The following ATP10B variants were observed in gnomAD, a reference collection of about 807,000 sequenced individuals.
ATP10B encodes phospholipid-transporting ATPase VB.
A neutral mutation model predicts 141.2 loss-of-function variants in ATP10B; 122 were observed. That is an observed-to-expected ratio of 0.86 (90% CI 0.75 to 1.00). The LOEUF (loss-of-function observed/expected upper bound fraction) is 1.00. Ranked by LOEUF, ATP10B falls within the 50% of genes least tolerant of loss-of-function variation. ATP10B has a pLI of 0.00. For missense variants in ATP10B, 1,876 were observed against 1,825.3 expected (o/e 1.03, Z -0.51); for synonymous variants, 685 against 692.0 (o/e 0.99, Z 0.16).
chr5:160,751,872 C>A (rs1322089846), intron 2 of ATP10B, among the ~76,000 whole-genome samples: 1 of 152,096 alleles, frequency 6.6e-6, no homozygotes, highest in African/African-American at 2.4e-5. Flanking sequence ...ACATTTTTGT[C>A]CTGGCTGAAC....
intron 3 of ATP10B, among the ~76,000 whole-genome samples, chr5:160,711,721 C>T (rs1765378802): frequency 1.7e-5 from 1 of 60,278 alleles, no homozygotes. Context: ...CCAGTTTTTG[C>T]CCATTCAGAA....
intron 1 of ATP10B, among the ~76,000 whole-genome samples, chr5:160,846,646 G>A (rs903122468): frequency 4.6e-5 from 7 of 152,054 alleles, no homozygotes; most frequent in South Asian, 2.1e-4. Context: ...CATATCCAGC[G>A]CTTAGTAGGT....
intron 2 of ATP10B, among the ~76,000 whole-genome samples, chr5:160,735,201 A>G: frequency 6.6e-6 from 1 of 151,884 alleles, no homozygotes; most frequent in East Asian, 1.9e-4. Flanking sequence ...TCTAATCAAA[A>G]AACATACAGG....
the ATP10B span, among the ~76,000 whole-genome samples, chr5:160,918,327 A>G: frequency 6.6e-6 from 1 of 152,242 alleles, no homozygotes; most frequent in Non-Finnish European, 1.5e-5. Context: ...AGAAGAACAC[A>G]TAAACAGGGG....
intron 10 of ATP10B, among the ~76,000 whole-genome samples, chr5:160,638,320 T>C (rs1020127035): frequency 1.3e-5 from 2 of 152,190 alleles, no homozygotes; most frequent in African/African-American, 2.4e-5. Context: ...TCTTGTCCTG[T>C]GACCTTTTAA....
intron 22 of ATP10B, among the ~76,000 whole-genome samples, chr5:160,594,232 T>C (rs1376672514): frequency 6.6e-6 from 1 of 152,204 alleles, no homozygotes; most frequent in Non-Finnish European, 1.5e-5. Flanking sequence ...GGGGCCAATA[T>C]TCAACATTCT....
chr5:160,835,927 T>C (rs1482911716), intron 1 of ATP10B, among the ~76,000 whole-genome samples: 1 of 152,168 alleles, frequency 6.6e-6, no homozygotes, highest in African/African-American at 2.4e-5. Context: ...TCTTCGAACT[T>C]GGTCCCAACT....
At chr5:160,634,188 G>C (rs774208367) in intron 12 of ATP10B, 166 bp downstream of exon 12, 1 of 931,514 alleles carries the variant, frequency 1.1e-6, no homozygotes, top group South Asian at 1.3e-5. Context: ...AATTGGAACA[G>C]CCCTGATCTG....
rs1222960956 is a variant in ATP10B at position 160,622,327 on chromosome 5, G to A, written c.1812+67C>T. The A allele has an allele frequency of 2.7e-5, 40 of 1,463,654 alleles. No homozygotes were observed. The Admixed American group carries it at 3.6e-4, about 13-fold the overall frequency. The allele number at this position is 1,463,654 out of a possible 1,614,324, so 90.7% of individuals were successfully genotyped here. Reference sequence around the variant, plus strand: ...CTCCCTGATCAGAACTTCTCCCCTCGCCCCTACCCTGCCTTCTACTCCTCT... The same window carrying A: ...CTCCCTGATCAGAACTTCTCCCCTCACCCCTACCCTGCCTTCTACTCCTCT... On this transcript the variant is annotated intron_variant, in intron 14 of 25. Coordinates refer to ENST00000327245, the MANE Select transcript of ATP10B (RefSeq NM_025153.3).
chr5:160,728,837 T>G (rs1400149638), intron 2 of ATP10B, among the ~76,000 whole-genome samples: 1 of 152,216 alleles, frequency 6.6e-6, no homozygotes, highest in Non-Finnish European at 1.5e-5. Flanking sequence ...TTCATCTCTT[T>G]TTGTTTGAGT....
At chr5:160,824,965 T>TC (rs386405471) in intron 1 of ATP10B, among the ~76,000 whole-genome samples, 2 of 151,876 alleles carry the variant, frequency 1.3e-5, no homozygotes, top group Non-Finnish European at 2.9e-5. Flanking sequence ...CTTAAACTCT[T>TC]TTTTTTAACA....
intron 1 of ATP10B, among the ~76,000 whole-genome samples, chr5:160,843,954 GTAT>G (rs754089710): frequency 6.6e-6 from 1 of 151,192 alleles, no homozygotes; most frequent in African/African-American, 2.4e-5. Context: ...AATTTGTTTA[GTAT>G]TATTTTCTTA....
chr5:160,656,312 G>C (rs1343366603), intron 7 of ATP10B, among the ~76,000 whole-genome samples: 1 of 152,056 alleles, frequency 6.6e-6, no homozygotes, highest in Non-Finnish European at 1.5e-5. Context: ...AATTTAAGTC[G>C]TGATGCCCTG....
intron 1 of ATP10B, among the ~76,000 whole-genome samples, chr5:160,786,434 T>TA (rs562984604): frequency 1.4e-3 from 206 of 152,220 alleles, no homozygotes; most frequent in Non-Finnish European, 2.4e-3. Flanking sequence ...TTTTTCTTTT[T>TA]AAAAAAATCC....
At chr5:160,627,487 G>A (rs1234022602) in intron 13 of ATP10B, among the ~76,000 whole-genome samples, 1 of 152,216 alleles carries the variant, frequency 6.6e-6, no homozygotes, top group Non-Finnish European at 1.5e-5. Context: ...ACTGGCAGAG[G>A]TGGGAAGAAG....
At chr5:160,819,827 T>C (rs1015708929) in intron 1 of ATP10B, among the ~76,000 whole-genome samples, 19 of 151,994 alleles carry the variant, frequency 1.3e-4, no homozygotes, top group African/African-American at 3.9e-4. Flanking sequence ...AAACATATAA[T>C]GGATACAGAA....
rs746914847 is a variant in ATP10B at position 160,620,824 on chromosome 5, G to A, written c.1939C>T (p.Leu647Phe). Residue 647 changes from leucine (L) to phenylalanine (F), a missense_variant, in exon 15 of 26, where the codon CTC (leucine) becomes TTC (phenylalanine). Leu to Phe is a conservative substitution (Grantham distance 22, BLOSUM62 0). Coordinates refer to ENST00000327245, the MANE Select transcript of ATP10B (RefSeq NM_025153.3). ...ACGTTGGCCCCTAAGCTCTCCCCGA[G>A]GTCTGTGTCAGAGGGTGCAGTGGAT... is the stretch of plus-strand genomic sequence containing the variant. ...FSSTAPSDTD[L>F]GESLGANVAT... 6.2e-7 allele frequency: 1 copy of A among 1,614,208 alleles called. No individual in the cohort carries two copies. Among genetic ancestry groups the A allele is most frequent in the East Asian group, 2.2e-5 (1 of 44,884 alleles).
chr5:160,901,771 C>T, the ATP10B span, among the ~76,000 whole-genome samples: 1 of 152,076 alleles, frequency 6.6e-6, no homozygotes, highest in African/African-American at 2.4e-5. Context: ...AACTATTTTT[C>T]CATCATACCC....
chr5:160,733,665 TTATA>T (rs34394968), intron 2 of ATP10B, among the ~76,000 whole-genome samples: 4,255 of 148,074 alleles, frequency 0.029, 164 homozygotes, highest in African/African-American at 0.089. Flanking sequence ...ATATGTAACG[TTATA>T]TATATATATA....
Sources: gnomAD v4.1 joint callset for allele counts (sites outside exome capture counted in the v4.1 genomes callset) on GRCh38, gnomAD v4.1.1 for gene constraint, MANE v1.5 for transcripts, NCBI Gene and HGNC (gene_info 2026-07-23, HGNC 2026-07-21) for gene names.